Variants in PFAS observed in about 807,000 individuals in gnomAD.
PFAS encodes the protein FGAM synthase.
Under a neutral mutation model 140.6 loss-of-function variants are expected in PFAS, and 97 were observed. The observed-to-expected ratio is 0.69, with a 90% CI of 0.59 to 0.82. The LOEUF (loss-of-function observed/expected upper bound fraction) is 0.82. PFAS is among the 40% of genes least tolerant of loss of function. The pLI is 0.00. For synonymous variants in PFAS, 679 were observed against 718.8 expected (o/e 0.94, Z 0.88); for missense variants, 1,656 against 1,780.2 (o/e 0.93, Z 1.26).
upstream of PFAS, chr17:8,249,148 G>A (rs1306259208): frequency 2.6e-5 from 4 of 152,144 alleles, no homozygotes; most frequent in Admixed American, 1.3e-4. Context: ...ACAGATTTGT[G>A]GGAGAAACCA....
upstream of PFAS, among the ~76,000 whole-genome samples, chr17:8,249,053 T>C (rs532738359): frequency 7.2e-5 from 11 of 152,298 alleles, no homozygotes; most frequent in African/African-American, 2.4e-4. Flanking sequence ...ATGCTTGCTT[T>C]ATGGCCTTAA....
At chr17:8,248,408 TA>T (rs1200014029), upstream of PFAS, among the ~76,000 whole-genome samples, 2 of 119,640 alleles carry the variant, frequency 1.7e-5, no homozygotes, top group South Asian at 2.8e-4. Context: ...CACGCCCGGC[TA>T]ATTTTTTTTT....
Position 8,267,092 on chromosome 17 carries a change from G to A in PFAS, c.3032G>A (p.Trp1011Ter). Residue 1011 changes from tryptophan (W) to a stop codon, truncating the protein, a stop_gained, in exon 24 of 28, where the codon TGG becomes TAG. Transcript: ENST00000314666. LOFTEE classifies it high-confidence loss of function. The surrounding 1 kb of genome is among the most constrained non-coding windows in gnomAD (Gnocchi z 4.9). ...CCTGTTGGGGAGCTGCGAGCCCTCT[G>A]GGAGGAGACGAGTTTCCAGCTGGAC... ...EEPVGELRAL[W>*]EETSFQLDRL... is the part of the protein sequence containing the mutation. 4.3e-6 allele frequency: 7 copies of A among 1,613,962 alleles called. No individual in the cohort carries two copies. Among genetic ancestry groups the A allele is most frequent in the Non-Finnish European group, 4.2e-6 (5 of 1,179,988 alleles).
rs199547051 is a variant in PFAS at position 8,256,512 on chromosome 17, G to T, written c.822-12G>T. 1.9e-5 allele frequency: 31 copies of T among 1,614,132 alleles called. No individual in the cohort carries two copies. The East Asian group carries it at 6.5e-4, about 34-fold the overall frequency. On this transcript the variant is annotated splice_polypyrimidine_tract_variant and intron_variant, in intron 7 of 27. Coordinates refer to ENST00000314666, the MANE Select transcript of PFAS (RefSeq NM_012393.3). Reference sequence around the variant, plus strand: ...AGAAAGGAAGCAAGGTCCATGACGGGTATGTCCACAGTGCAATCCAGGGAA... The same window carrying T: ...AGAAAGGAAGCAAGGTCCATGACGGTTATGTCCACAGTGCAATCCAGGGAA...
intron 15 of PFAS, 108 bp from the exon 16 acceptor site, chr17:8,264,104 G>A (rs959182703): frequency 3.9e-6 from 6 of 1,526,736 alleles, no homozygotes; most frequent in Non-Finnish European, 5.4e-6. Flanking sequence ...ACTCAATATG[G>A]AAACCAAACA....
At chr17:8,248,210 A>AT, upstream of PFAS, 1 of 612,468 alleles carries the variant, frequency 1.6e-6, no homozygotes, top group East Asian at 2.8e-5. Context: ...TCGGTGCACC[A>AT]TCCCAACTCC....
At chr17:8,265,828 G>A in intron 20 of PFAS, 34 bp from the exon 21 acceptor site, 2 of 1,568,820 alleles carry the variant, frequency 1.3e-6, no homozygotes, top group African/African-American at 1.3e-5. Context: ...CTCCTGAGCT[G>A]TTCCCCTCCC....
chr17:8,260,677 C>T (rs1989556427), intron 11 of PFAS, among the ~76,000 whole-genome samples: 2 of 152,166 alleles, frequency 1.3e-5, no homozygotes, highest in South Asian at 2.1e-4. Flanking sequence ...CAAGCTGGAG[C>T]GTAATGGCGC....
chr17:8,264,215 G>A lies in PFAS; in HGVS notation c.1795G>A (p.Val599Met), dbSNP rs751345596. The change falls in exon 16 of 28, where the codon GTG (valine) becomes ATG (methionine). Residue 599 changes from valine to methionine, a missense_variant. Physicochemically the swap from Val to Met is conservative, Grantham distance 21. Transcript: ENST00000314666. ...VGTITGDRRI[V>M]LVDDRECPVR... ...GTGGGGTCCCTGTGGTCTATAGATA[G>A]TGCTGGTGGACGATCGGGAGTGTCC... 7.0e-5 allele frequency: 113 copies of A among 1,613,974 alleles called. 1 individual carries two copies. In the South Asian group the frequency reaches 1.0e-3, roughly 14 times the overall value.
intron 11 of PFAS, among the ~76,000 whole-genome samples, chr17:8,262,708 A>G (rs950010608): frequency 2.6e-5 from 4 of 151,996 alleles, no homozygotes; most frequent in African/African-American, 9.7e-5. Flanking sequence ...AGGCAGGAAT[A>G]TCGCTTGAAC....
Position 8,269,136 on chromosome 17 carries a change from C to T in PFAS, c.3889C>T (p.His1297Tyr). The T allele has an allele frequency of 6.2e-7, 1 of 1,613,964 alleles. No homozygotes were observed. The highest frequency in any genetic ancestry group is 8.5e-7 in the Non-Finnish European group (1 of 1,180,016). The change falls in exon 28 of 28, where the codon CAC becomes TAC. Residue 1297 changes from histidine to tyrosine, a missense_variant. Physicochemically the swap from His to Tyr is moderately conservative, Grantham distance 83. Transcript: ENST00000314666. The stretch of plus-strand genomic sequence containing the variant: ...TGGCCGCCACCTGGCTGTCATGCCT[C>T]ACCCTGAGCGGGCCGTTAGGCCTTG... ...CDGRHLAVMP[H>Y]PERAVRPWQW...
chr17:8,257,119 A>G (rs772243398), intron 9 of PFAS, among the ~76,000 whole-genome samples, 156 bp downstream of exon 9: 1 of 152,202 alleles, frequency 6.6e-6, no homozygotes, highest in Non-Finnish European at 1.5e-5. Context: ...CTATGGTCAT[A>G]AGTGTAGACC....
chr17:8,248,017 T>G, upstream of PFAS: 9 of 1,356,968 alleles, frequency 6.6e-6, no homozygotes, highest in South Asian at 1.1e-5. Flanking sequence ...GGAAGGGACC[T>G]GGGCCCGGCC....
chr17:8,262,044 G>A (rs1989615839), intron 11 of PFAS, among the ~76,000 whole-genome samples: 1 of 151,596 alleles, frequency 6.6e-6, no homozygotes, highest in Non-Finnish European at 1.5e-5. Context: ...TAGTGTATAA[G>A]CCTTACTTCT....
In PFAS at chr17:8,267,261, G is replaced by A. The variant is rs772429388; in HGVS notation, c.3175+26G>A. On this transcript the variant is annotated intron_variant, in intron 24 of 27. Coordinates refer to ENST00000314666, the MANE Select transcript of PFAS (RefSeq NM_012393.3). This position sits in a 1 kb window ranked among gnomAD's most constrained non-coding sequence, Gnocchi z 4.9. Reference sequence around the variant, plus strand: ...GTGAGGGAGTGTGTGCAGAGGCTCCGCGTCCTGGGGGCACTGAGCCTGGAT... The same window carrying A: ...GTGAGGGAGTGTGTGCAGAGGCTCCACGTCCTGGGGGCACTGAGCCTGGAT... 19 of 1,593,798 alleles carry A rather than the reference G, an allele frequency of 1.2e-5. No individual in the cohort carries two copies. The East Asian group carries it at 1.6e-4, about 13-fold the overall frequency.
In PFAS at chr17:8,265,080, C is replaced by T. The variant is rs758585205; in HGVS notation, c.2235C>T (p.Ala745=). The change falls in exon 18 of 28, where the codon GCC becomes GCT. Residue 745 remains alanine, a synonymous_variant. Coordinates refer to ENST00000314666, the MANE Select transcript of PFAS (RefSeq NM_012393.3). ...AAGTCGCCGCCCGGCTGGCCGTGGCCGAAGCCCTCACCAACCTGGTGTTTG... is the reference window on the plus strand; with the variant it reads ...AAGTCGCCGCCCGGCTGGCCGTGGCTGAAGCCCTCACCAACCTGGTGTTTG... The part of the protein sequence containing the change: ...DPKVAARLAV[A]EALTNLVFAL... 6.8e-6 allele frequency: 11 copies of T among 1,613,212 alleles called. No individual in the cohort carries two copies. The highest frequency in any genetic ancestry group is 1.6e-4 in the Middle Eastern group (1 of 6,084).
intron 3 of PFAS, 39 bp downstream of exon 3, chr17:8,254,340 C>T (rs1891789034): frequency 6.2e-7 from 1 of 1,610,010 alleles, no homozygotes; most frequent in Non-Finnish European, 8.5e-7. Context: ...CTTCTGCTTT[C>T]CTTTGCTTCC....
In PFAS at chr17:8,255,148, A is replaced by G; in HGVS notation, c.384+16A>G. On this transcript the variant is annotated intron_variant, in intron 4 of 27. Coordinates refer to ENST00000314666, the MANE Select transcript of PFAS (RefSeq NM_012393.3). ...CCGGCTCTCGGTGAGGTGATGGGGA[A>G]TCAGGAGGAGGAGATGAGCCAGAGA... The G allele has an allele frequency of 6.4e-7, 1 of 1,557,028 alleles. No individual in the cohort carries two copies. Among genetic ancestry groups the G allele is most frequent in the Non-Finnish European group, 8.8e-7 (1 of 1,130,234 alleles).
Position 8,267,594 on chromosome 17 carries a change from G to C in PFAS, c.3311G>C (p.Gly1104Ala). 1.2e-6 allele frequency: 2 copies of C among 1,613,692 alleles called. No homozygotes were observed. The highest frequency in any genetic ancestry group is 1.7e-6 in the Non-Finnish European group (2 of 1,179,634). Residue 1104 changes from glycine to alanine, a missense_variant, in exon 26 of 28, where the codon GGG becomes GCG. Physicochemically the swap from Gly to Ala is moderately conservative, Grantham distance 60. Around this residue, in one of 2 missense-constraint regions of PFAS, gnomAD observed 883 missense variants for 1,023.0 expected, o/e 0.86. Coordinates refer to ENST00000314666, the MANE Select transcript of PFAS (RefSeq NM_012393.3). This position sits in a 1 kb window ranked among gnomAD's most constrained non-coding sequence, Gnocchi z 4.9. Reference sequence around the variant, plus strand: ...CAGGACCTCTGCTCTGGGGCAATTGGGCTGGACACTTTCCGTGGCGTGGCC... The same window carrying C: ...CAGGACCTCTGCTCTGGGGCAATTGCGCTGGACACTTTCCGTGGCGTGGCC... ...TMQDLCSGAI[G>A]LDTFRGVAFV... is the part of the protein sequence containing the mutation.
Sources: allele counts gnomAD v4.1 joint callset (sites outside exome capture counted in the v4.1 genomes callset), GRCh38; gene constraint gnomAD v4.1.1; regional missense constraint gnomAD v4.1.1; non-coding constraint Gnocchi (gnomAD v3.1); transcripts MANE v1.5; gene names NCBI Gene and HGNC (gene_info 2026-07-23, HGNC 2026-07-21).